GABBR2: variants seen among roughly 807,000 people sequenced by gnomAD.
GABBR2 encodes gamma-aminobutyric acid type B receptor subunit 2.
A neutral mutation model predicts 105.6 loss-of-function variants in GABBR2; 23 were observed. That is an observed-to-expected ratio of 0.22 (90% confidence interval 0.16 to 0.31). The LOEUF (loss-of-function observed/expected upper bound fraction) is 0.31, where lower values mean the gene tolerates loss of function less well. Among genes scored for constraint, GABBR2 ranks in the 10% least tolerant of loss-of-function variants. GABBR2 has a pLI of 1.00. For synonymous variants in GABBR2, 478 were observed against 499.7 expected (o/e 0.96, Z 0.58); for missense variants, 734 against 1,245.5 (o/e 0.59, Z 6.18).
At chr9:98,491,485 T>C (rs1827175345) in intron 4 of GABBR2, among the ~76,000 whole-genome samples, 1 of 152,234 alleles carries the variant, frequency 6.6e-6, no homozygotes, top group Admixed American at 6.5e-5. Flanking sequence ...GGTTTTCATG[T>C]TTGTTTTCTG....
intron 1 of GABBR2, among the ~76,000 whole-genome samples, chr9:98,610,762 C>A (rs1010557021): frequency 1.2e-4 from 18 of 151,776 alleles, no homozygotes; most frequent in Non-Finnish European, 2.4e-4. Context: ...TTTCAGACTT[C>A]TGGCCTCTAG....
intron 3 of GABBR2, among the ~76,000 whole-genome samples, chr9:98,530,935 C>T (rs558149525): frequency 6.6e-6 from 1 of 152,278 alleles, no homozygotes; most frequent in African/African-American, 2.4e-5. Flanking sequence ...GGAAGGGTTG[C>T]TTCGCAAGGC....
At chr9:98,523,447 G>A (rs1434143436) in intron 3 of GABBR2, among the ~76,000 whole-genome samples, 1 of 152,140 alleles carries the variant, frequency 6.6e-6, no homozygotes, top group East Asian at 1.9e-4. Context: ...CCTCCCCCAC[G>A]GCCTCAAGCA....
chr9:98,646,483 C>T (rs530731242), intron 1 of GABBR2, among the ~76,000 whole-genome samples: 6 of 152,292 alleles, frequency 3.9e-5, no homozygotes, highest in Non-Finnish European at 5.9e-5. Context: ...ATTCCCTTTG[C>T]GGATTCTGCT....
intron 7 of GABBR2, among the ~76,000 whole-genome samples, chr9:98,444,112 C>T (rs746751779): frequency 2.0e-5 from 3 of 152,214 alleles, no homozygotes; most frequent in African/African-American, 7.2e-5. Context: ...TTTCTTTAAT[C>T]TATGACATGT....
At chr9:98,677,109 A>G (rs1830486845) in intron 1 of GABBR2, among the ~76,000 whole-genome samples, 1 of 152,216 alleles carries the variant, frequency 6.6e-6, no homozygotes, top group East Asian at 1.9e-4. Context: ...AGATGAAATA[A>G]TCTTTTCACA....
At chr9:98,389,485 T>C (rs1173411648) in intron 9 of GABBR2, among the ~76,000 whole-genome samples, 2 of 152,168 alleles carry the variant, frequency 1.3e-5, no homozygotes, top group East Asian at 1.9e-4. Flanking sequence ...TGGTGACACA[T>C]AGGTGTTTTG....
intron 1 of GABBR2, among the ~76,000 whole-genome samples, chr9:98,665,972 C>T (rs1479396234): frequency 6.6e-6 from 1 of 152,208 alleles, no homozygotes; most frequent in Non-Finnish European, 1.5e-5. Context: ...AGAGCCTTAG[C>T]CAGCACCACT....
intron 6 of GABBR2, among the ~76,000 whole-genome samples, chr9:98,461,977 T>C (rs1393912778): frequency 1.3e-5 from 2 of 152,150 alleles, no homozygotes; most frequent in Non-Finnish European, 2.9e-5. Context: ...GGGGATCCAC[T>C]CCCATGATCC....
intron 14 of GABBR2, among the ~76,000 whole-genome samples, chr9:98,307,838 T>C (rs1830574829): frequency 6.6e-6 from 1 of 152,236 alleles, no homozygotes; most frequent in South Asian, 2.1e-4. Context: ...ATTGATCTTA[T>C]TTTATACAAG....
At chr9:98,308,971 A>G (rs984624799) in intron 14 of GABBR2, among the ~76,000 whole-genome samples, 5 of 143,940 alleles carry the variant, frequency 3.5e-5, no homozygotes, top group Non-Finnish European at 7.7e-5. Context: ...GGGGATGCTC[A>G]GGGTGGGCTG....
intron 6 of GABBR2, among the ~76,000 whole-genome samples, chr9:98,461,810 T>C (rs756881606): frequency 1.3e-5 from 2 of 152,212 alleles, no homozygotes; most frequent in African/African-American, 2.4e-5. Flanking sequence ...AAGCTTTCAA[T>C]CATGGCAGAA....
intron 6 of GABBR2, among the ~76,000 whole-genome samples, chr9:98,469,131 A>G (rs1357997690): frequency 6.6e-6 from 1 of 152,238 alleles, no homozygotes; most frequent in African/African-American, 2.4e-5. Flanking sequence ...TCACACTGCT[A>G]TAAAGAACCA....
chr9:98,578,192 G>A, intron 1 of GABBR2, 120 bp from the exon 2 acceptor site: 1 of 1,132,138 alleles, frequency 8.8e-7, no homozygotes, highest in South Asian at 1.3e-5. Context: ...CTCCCATGGT[G>A]GGGAGTCTCC....
intron 11 of GABBR2, among the ~76,000 whole-genome samples, chr9:98,385,302 A>T (rs1832052127): frequency 6.6e-6 from 1 of 152,176 alleles, no homozygotes; most frequent in Non-Finnish European, 1.5e-5. Context: ...CTTTGGGCTC[A>T]AGCAATCCTC....
chr9:98,628,926 C>T (rs1829781743), intron 1 of GABBR2, among the ~76,000 whole-genome samples: 2 of 152,218 alleles, frequency 1.3e-5, no homozygotes, highest in South Asian at 2.1e-4. Flanking sequence ...TTCTGTCCTT[C>T]CCCACACTGT....
intron 1 of GABBR2, among the ~76,000 whole-genome samples, chr9:98,707,756 C>A (rs894154249): frequency 6.6e-6 from 1 of 152,232 alleles, no homozygotes; most frequent in Admixed American, 6.5e-5. Flanking sequence ...AGCAACTAAC[C>A]CGAGGCAGGG....
intron 7 of GABBR2, among the ~76,000 whole-genome samples, chr9:98,446,927 A>T (rs1826139387): frequency 6.6e-6 from 1 of 152,168 alleles, no homozygotes; most frequent in Non-Finnish European, 1.5e-5. Context: ...TGGGGGATAG[A>T]GTCACAACTG....
At chr9:98,600,538 A>T (rs913076592) in intron 1 of GABBR2, among the ~76,000 whole-genome samples, 12 of 152,368 alleles carry the variant, frequency 7.9e-5, no homozygotes, top group African/African-American at 2.6e-4. Context: ...GACTCTGAGA[A>T]ACCTGCTTTC....
Sources: allele counts gnomAD v4.1 joint callset (sites outside exome capture counted in the v4.1 genomes callset), GRCh38; gene constraint gnomAD v4.1.1; transcripts MANE v1.5; gene names NCBI Gene and HGNC (gene_info 2026-07-23, HGNC 2026-07-21).